The following HEMK2 variants were observed in gnomAD, a reference collection of about 807,000 sequenced individuals.
HEMK2 encodes HemK methyltransferase 2, ETF1 glutamine and histone H4 lysine.
the HEMK2 span, among the ~76,000 whole-genome samples, chr21:28,682,682 G>C: frequency 6.6e-6 from 1 of 152,168 alleles, no homozygotes; most frequent in Admixed American, 6.5e-5. Context: ...ACTGGATTAA[G>C]AAAATGTGGC....
chr21:28,752,584 G>A, the HEMK2 span, among the ~76,000 whole-genome samples: 1 of 152,132 alleles, frequency 6.6e-6, no homozygotes, highest in Non-Finnish European at 1.5e-5. Flanking sequence ...CCTAAAGACA[G>A]ACCCTTCCAG....
At chr21:28,851,880 C>T in the HEMK2 span, among the ~76,000 whole-genome samples, 1 of 152,186 alleles carries the variant, frequency 6.6e-6, no homozygotes, top group East Asian at 1.9e-4. Flanking sequence ...TCTGGTTGGC[C>T]TTATGGACAG....
the HEMK2 span, among the ~76,000 whole-genome samples, chr21:28,819,476 T>C: frequency 6.6e-6 from 1 of 151,918 alleles, no homozygotes; most frequent in South Asian, 2.1e-4. Context: ...TTTGGCTTAC[T>C]GATTTTTCTA....
chr21:28,586,658 A>C, the HEMK2 span, among the ~76,000 whole-genome samples: 1 of 152,326 alleles, frequency 6.6e-6, no homozygotes, highest in Non-Finnish European at 1.5e-5. Context: ...AACTTTTAAA[A>C]CTTTCAATTG....
At chr21:28,678,122 A>G in the HEMK2 span, among the ~76,000 whole-genome samples, 1 of 152,206 alleles carries the variant, frequency 6.6e-6, no homozygotes, top group Non-Finnish European at 1.5e-5. Flanking sequence ...GTTTGAACCC[A>G]TGGCAAAGAA....
At chr21:28,873,032 T>G in the HEMK2 span, 1 of 152,338 alleles carries the variant, frequency 6.6e-6, no homozygotes, top group African/African-American at 2.4e-5. Flanking sequence ...CCTTGTCAAC[T>G]TGGCACCCAT....
chr21:28,667,964 C>T, the HEMK2 span, among the ~76,000 whole-genome samples: 1 of 152,128 alleles, frequency 6.6e-6, no homozygotes, highest in African/African-American at 2.4e-5. Context: ...TGCTAATCAA[C>T]CCAACAGCAA....
At chr21:28,712,177 G>A in the HEMK2 span, among the ~76,000 whole-genome samples, 5 of 152,168 alleles carry the variant, frequency 3.3e-5, no homozygotes, top group Non-Finnish European at 7.3e-5. Flanking sequence ...AGAGGTCCCA[G>A]CAGAAAGGAT....
chr21:28,803,324 G>T, the HEMK2 span, among the ~76,000 whole-genome samples: 1 of 152,052 alleles, frequency 6.6e-6, no homozygotes, highest in African/African-American at 2.4e-5. Flanking sequence ...AACCATCTTC[G>T]ATCACAAATT....
chr21:28,877,115 C>A, the HEMK2 span, among the ~76,000 whole-genome samples: 1 of 80,074 alleles, frequency 1.2e-5, no homozygotes, highest in African/African-American at 4.6e-5. Flanking sequence ...CATGGATGGA[C>A]AGAAGGAAGA....
the HEMK2 span, among the ~76,000 whole-genome samples, chr21:28,851,815 T>C: frequency 6.6e-6 from 1 of 152,186 alleles, no homozygotes; most frequent in Non-Finnish European, 1.5e-5. Context: ...TAATACACCC[T>C]GATGTAGGAC....
chr21:28,642,937 G>A, the HEMK2 span, among the ~76,000 whole-genome samples: 1 of 152,172 alleles, frequency 6.6e-6, no homozygotes, highest in Non-Finnish European at 1.5e-5. Context: ...CATTTGGGTG[G>A]AAAAACCAGG....
At chr21:28,879,045 A>G in the HEMK2 span, among the ~76,000 whole-genome samples, 1 of 148,468 alleles carries the variant, frequency 6.7e-6, no homozygotes, top group Admixed American at 6.7e-5. Context: ...TATAATATTA[A>G]AAAATCTTTA....
At chr21:28,848,582 G>A in the HEMK2 span, among the ~76,000 whole-genome samples, 1 of 151,820 alleles carries the variant, frequency 6.6e-6, no homozygotes, top group South Asian at 2.1e-4. Flanking sequence ...TTTCTGAATG[G>A]CTTTATGTTT....
chr21:28,829,231 T>C, the HEMK2 span, among the ~76,000 whole-genome samples: 3 of 152,228 alleles, frequency 2.0e-5, no homozygotes, highest in Non-Finnish European at 2.9e-5. Flanking sequence ...CATCTACCAT[T>C]ACCCAAGTCT....
At chr21:28,842,226 T>C in the HEMK2 span, among the ~76,000 whole-genome samples, 175 of 152,292 alleles carry the variant, frequency 1.1e-3, 1 homozygote, top group African/African-American at 4.0e-3. Context: ...GTTATTGGCA[T>C]CATTATTATA....
At chr21:28,836,727 A>C in the HEMK2 span, among the ~76,000 whole-genome samples, 1 of 152,198 alleles carries the variant, frequency 6.6e-6, no homozygotes, top group Admixed American at 6.5e-5. Flanking sequence ...CAGAATGGAT[A>C]AGAACTCACC....
the HEMK2 span, among the ~76,000 whole-genome samples, chr21:28,831,771 G>GAAAGAAAGAAAGAAAGAA: frequency 1.1e-4 from 16 of 144,662 alleles, 1 homozygote; most frequent in African/African-American, 3.7e-4. Context: ...AAGAAAGAAA[G>GAAAGAAAGAAAGAAAGAA]AAACAGTATC....
chr21:28,617,799 T>G, the HEMK2 span, among the ~76,000 whole-genome samples: 1 of 152,198 alleles, frequency 6.6e-6, no homozygotes, highest in Non-Finnish European at 1.5e-5. Flanking sequence ...CCTTTTTTTT[T>G]TTTTTTAAGA....
Sources: gnomAD v4.1 joint callset for allele counts (sites outside exome capture counted in the v4.1 genomes callset) on GRCh38, gnomAD v4.1.1 for gene constraint, MANE v1.5 for transcripts, NCBI Gene and HGNC (gene_info 2026-07-23, HGNC 2026-07-21) for gene names.